The following CDH13 variants were observed in gnomAD, a reference collection of about 807,000 sequenced individuals.
CDH13 encodes the protein cadherin-13.
In CDH13, 24 loss-of-function variants were observed where a neutral mutation model predicts 63.8. The ratio of observed to expected loss-of-function variants is 0.38; its 90% CI spans 0.27 to 0.53. The LOEUF is 0.53. Ranked by LOEUF, CDH13 falls within the 20% of genes least tolerant of loss-of-function variation. The pLI is 0.85. For synonymous variants in CDH13, 503 were observed against 355.3 expected (o/e 1.42, Z -4.67); for missense variants, 1,049 against 903.1 (o/e 1.16, Z -2.07).
chr16:83,595,038 G>A (rs745939506), intron 7 of CDH13, among the ~76,000 whole-genome samples: 23 of 152,194 alleles, frequency 1.5e-4, no homozygotes, highest in Non-Finnish European at 2.4e-4. Flanking sequence ...GACAGCAAAT[G>A]CAATAGAAAT....
At chr16:82,671,480 T>C (rs1200295029) in intron 1 of CDH13, among the ~76,000 whole-genome samples, 7 of 152,236 alleles carry the variant, frequency 4.6e-5, no homozygotes, top group African/African-American at 1.7e-4. Flanking sequence ...TAACCAAATA[T>C]TTCAAAATCA....
At position 83,015,683 on chromosome 16, in the gene CDH13, A is replaced by G. The variant is rs1356409887; in HGVS notation, c.158-16327A>G. On this transcript the variant is annotated intron_variant, in intron 2 of 13. Transcript: ENST00000567109. The stretch of plus-strand genomic sequence containing the variant: ...TGTGTGTGTGTGTGTGTATGTATAT[A>G]TATATATATATATATATATATATAT... Among the ~76,000 whole-genome samples the G allele has an allele frequency of 7.5e-3, 522 of 69,460 alleles. 6 individuals carry two copies. The highest frequency in any genetic ancestry group is 0.011 in the African/African-American group (168 of 15,092). The allele number at this position is 69,460 out of a possible 152,430, so 45.6% of individuals were successfully genotyped here.
intron 2 of CDH13, among the ~76,000 whole-genome samples, chr16:82,897,899 C>G (rs1291783838): frequency 6.6e-6 from 1 of 152,192 alleles, no homozygotes; most frequent in Non-Finnish European, 1.5e-5. Context: ...AAACATTTAT[C>G]AAACTCCTTT....
At chr16:83,447,096 C>CTT (rs750432481) in intron 6 of CDH13, among the ~76,000 whole-genome samples, 1,234 of 41,142 alleles carry the variant, frequency 0.03, 110 homozygotes, top group Non-Finnish European at 0.045. Context: ...TTATAGTAAC[C>CTT]TTTTTTTTTT....
chr16:83,325,211 T>C (rs1415691198), intron 5 of CDH13, among the ~76,000 whole-genome samples: 1 of 152,244 alleles, frequency 6.6e-6, no homozygotes, highest in African/African-American at 2.4e-5. Context: ...GACTATTTTT[T>C]AATTATTACA....
intron 8 of CDH13, among the ~76,000 whole-genome samples, chr16:83,632,466 G>A (rs917469361): frequency 2.6e-5 from 4 of 151,940 alleles, no homozygotes; most frequent in African/African-American, 4.8e-5. Context: ...TTATCACGCC[G>A]AATCCTTATG....
intron 7 of CDH13, among the ~76,000 whole-genome samples, chr16:83,541,679 C>T (rs901765472): frequency 6.6e-6 from 1 of 152,194 alleles, no homozygotes; most frequent in Non-Finnish European, 1.5e-5. Context: ...TCCCTGACTC[C>T]CCCAAGACAT....
At chr16:83,315,911 CATTGTATTAGTTG>C (rs892443713) in intron 5 of CDH13, among the ~76,000 whole-genome samples, 23 of 152,128 alleles carry the variant, frequency 1.5e-4, no homozygotes, top group African/African-American at 4.6e-4. Context: ...TATTGAAACA[CATTGTATTAGTTG>C]ATTTTCACAC....
intron 10 of CDH13, among the ~76,000 whole-genome samples, chr16:83,679,463 C>T (rs1175022639): frequency 6.6e-6 from 1 of 152,194 alleles, no homozygotes; most frequent in Admixed American, 6.5e-5. Flanking sequence ...CTGAGTCAAC[C>T]ACTTTACTTT....
chr16:82,712,539 C>G (rs866731268), intron 1 of CDH13, among the ~76,000 whole-genome samples: 8 of 152,340 alleles, frequency 5.3e-5, no homozygotes, highest in Middle Eastern at 3.4e-3. Flanking sequence ...CTTTCAAACT[C>G]ACTACCCTGT....
At chr16:83,118,501 C>T (rs571618479) in intron 3 of CDH13, among the ~76,000 whole-genome samples, 14 of 152,288 alleles carry the variant, frequency 9.2e-5, no homozygotes, top group African/African-American at 2.6e-4. Flanking sequence ...GAAGGGGCTG[C>T]GTGTCTACAT....
intron 3 of CDH13, among the ~76,000 whole-genome samples, chr16:83,092,383 T>A (rs765307383): frequency 6.6e-6 from 1 of 152,234 alleles, no homozygotes; most frequent in Non-Finnish European, 1.5e-5. Context: ...CTCCTTGTAG[T>A]GATGGACACA....
At chr16:83,237,538 C>T (rs1904275581) in intron 5 of CDH13, among the ~76,000 whole-genome samples, 1 of 152,246 alleles carries the variant, frequency 6.6e-6, no homozygotes, top group South Asian at 2.1e-4. Flanking sequence ...GCTAGTGCAG[C>T]TGTAGAACTG....
chr16:83,197,790 A>G (rs1457229763), intron 4 of CDH13, among the ~76,000 whole-genome samples: 1 of 145,516 alleles, frequency 6.9e-6, no homozygotes, highest in South Asian at 2.2e-4. Context: ...ACACTCACAC[A>G]CTCATATGCT....
At chr16:82,757,986 G>A (rs1450784020) in intron 1 of CDH13, among the ~76,000 whole-genome samples, 1 of 152,096 alleles carries the variant, frequency 6.6e-6, no homozygotes. Context: ...AATCCATTCT[G>A]AGGCTAGAAA....
chr16:83,745,205 G>A (rs1340688574), intron 10 of CDH13, among the ~76,000 whole-genome samples: 1 of 152,162 alleles, frequency 6.6e-6, no homozygotes, highest in African/African-American at 2.4e-5. Flanking sequence ...GCACCCCGAG[G>A]CTGTTTTAGG....
intron 3 of CDH13, among the ~76,000 whole-genome samples, chr16:83,088,204 A>G (rs1326146428): frequency 2.6e-5 from 4 of 152,192 alleles, no homozygotes; most frequent in Admixed American, 2.6e-4. Flanking sequence ...GTTTGTGTTG[A>G]CACATTGCAG....
rs989051821 is a variant in CDH13, at chr16:83,420,308, G to A, written c.782-66169G>A. Among the ~76,000 whole-genome samples the A allele has an allele frequency of 2.0e-5, 3 of 152,176 alleles. No individual in the cohort carries two copies. The East Asian group carries it at 5.8e-4, about 29-fold the overall frequency. On this transcript the variant is annotated intron_variant, in intron 6 of 13. Transcript: ENST00000567109. Reference sequence around the variant, plus strand: ...AGGTCAGTGAAAATTGGAGCAGGAGGTCTGGCTAGACACAAATTTGGGAGA... The same window carrying A: ...AGGTCAGTGAAAATTGGAGCAGGAGATCTGGCTAGACACAAATTTGGGAGA...
intron 1 of CDH13, among the ~76,000 whole-genome samples, chr16:82,745,530 G>A (rs1297967995): frequency 6.6e-6 from 1 of 152,078 alleles, no homozygotes; most frequent in African/African-American, 2.4e-5. Flanking sequence ...CTTGAACACG[G>A]GAGGTGGAGG....
Sources: allele counts gnomAD v4.1 joint callset (sites outside exome capture counted in the v4.1 genomes callset), GRCh38; gene constraint gnomAD v4.1.1; transcripts MANE v1.5; gene names NCBI Gene and HGNC (gene_info 2026-07-23, HGNC 2026-07-21).